WDFY3: variants seen among roughly 807,000 people sequenced by gnomAD.
WDFY3 encodes WD repeat and FYVE domain containing 3, also known as WD repeat and FYVE domain-containing protein 3.
In WDFY3, 66 loss-of-function variants were observed where a neutral mutation model predicts 409.6. The observed-to-expected ratio is 0.16, with a 90% CI of 0.13 to 0.20. WDFY3 has a LOEUF of 0.20. Ranked by LOEUF, WDFY3 falls within the 10% of genes least tolerant of loss-of-function variation. WDFY3 has a pLI of 1.00. For synonymous variants in WDFY3, 1,521 were observed against 1,537.1 expected, an observed-to-expected ratio of 0.99 and a Z score of 0.25; for missense variants, 3,031 against 4,298.1, an observed-to-expected ratio of 0.71 and a Z score of 8.24.
intron 18 of WDFY3, 87 bp from the exon 19 acceptor site, chr4:84,796,839 C>A (rs1560783412): frequency 5.5e-6 from 6 of 1,085,734 alleles, no homozygotes; most frequent in Non-Finnish European, 8.0e-6. Context: ...AATACCACTT[C>A]AGTTTCAATA....
intron 29 of WDFY3, among the ~76,000 whole-genome samples, chr4:84,773,697 A>G (rs569474129): frequency 1.3e-5 from 2 of 152,188 alleles, no homozygotes; most frequent in Admixed American, 1.3e-4. Context: ...TTCTTAAGCT[A>G]AAGTTTTAGA....
chr4:84,750,112 TATCCTATTATTTTCCA>T (rs1348793168), intron 36 of WDFY3, among the ~76,000 whole-genome samples: 2 of 152,304 alleles, frequency 1.3e-5, no homozygotes, highest in South Asian at 2.1e-4. Flanking sequence ...TTCTGGACTT[TATCCTATTATTTTCCA>T]ATAAACTATT....
intron 30 of WDFY3, among the ~76,000 whole-genome samples, chr4:84,768,600 T>C (rs1014080835): frequency 6.6e-6 from 1 of 152,180 alleles, no homozygotes; most frequent in Non-Finnish European, 1.5e-5. Flanking sequence ...AGCCCACTGT[T>C]CAGACCTACT....
intron 29 of WDFY3, among the ~76,000 whole-genome samples, chr4:84,774,298 T>C (rs770256574): frequency 2.0e-4 from 31 of 152,352 alleles, no homozygotes; most frequent in Non-Finnish European, 2.5e-4. Flanking sequence ...CATAAGAACA[T>C]TTCTACAGAC....
intron 2 of WDFY3, among the ~76,000 whole-genome samples, chr4:84,915,112 A>G (rs1475372208): frequency 6.6e-6 from 1 of 152,214 alleles, no homozygotes; most frequent in African/African-American, 2.4e-5. Flanking sequence ...AATATAAAAT[A>G]TCTAGAACAG....
At chr4:84,963,595 T>C (rs1775215736) in intron 1 of WDFY3, among the ~76,000 whole-genome samples, 1 of 152,210 alleles carries the variant, frequency 6.6e-6, no homozygotes, top group Non-Finnish European at 1.5e-5. Context: ...ATCATTAAGA[T>C]CTCTTCATAC....
At chr4:84,771,326 C>T (rs529952949) in intron 30 of WDFY3, among the ~76,000 whole-genome samples, 33 of 152,224 alleles carry the variant, frequency 2.2e-4, no homozygotes, top group African/African-American at 7.0e-4. Flanking sequence ...TTTGTAGAGA[C>T]GGAGCTTTGC....
chr4:84,686,255 G>A (rs1270672348), intron 62 of WDFY3, among the ~76,000 whole-genome samples: 5 of 151,970 alleles, frequency 3.3e-5, no homozygotes, highest in East Asian at 1.9e-4. Flanking sequence ...GCATTGAGCC[G>A]ACATAGCACC....
intron 61 of WDFY3, 145 bp downstream of exon 61, chr4:84,690,354 TCAAAAAA>T: frequency 8.9e-7 from 1 of 1,123,290 alleles, no homozygotes; most frequent in Admixed American, 2.9e-5. Flanking sequence ...CCTTTTTTTT[TCAAAAAA>T]GTATTTCTAG....
intron 26 of WDFY3, 49 bp from the exon 27 acceptor site, chr4:84,778,704 T>C (rs760260632): frequency 1.3e-6 from 2 of 1,568,128 alleles, no homozygotes; most frequent in South Asian, 2.4e-5. Context: ...TCATATATAT[T>C]CATTACACAC....
At chr4:84,704,259 T>C (rs1731555578) in intron 55 of WDFY3, 79 bp downstream of exon 55, 3 of 1,037,940 alleles carry the variant, frequency 2.9e-6, no homozygotes, top group South Asian at 1.9e-5. Flanking sequence ...TAATAGAAGA[T>C]AATGATGTTT....
At position 84,966,671 on chromosome 4, in the gene WDFY3, C is replaced by T. The variant is rs185834791; in HGVS notation, c.-688G>A. 1 of 156,270 alleles carries T rather than the reference C, an allele frequency of 6.4e-6. No homozygotes were observed. The highest frequency in any genetic ancestry group is 1.9e-4 in the East Asian group (1 of 5,192). 9.7% of individuals were successfully genotyped at this position (156,270 alleles called of 1,614,324 possible). ...AATCCTCCTCCTCCTCCTGCTTTCT[C>T]CACCTCCCGCTGGCTGTCTGACTGA... On this transcript the variant is annotated 5_prime_UTR_variant, in exon 1 of 68. Coordinates refer to ENST00000295888, the MANE Select transcript of WDFY3 (RefSeq NM_014991.6).
chr4:84,770,785 C>T (rs76369397), intron 30 of WDFY3, among the ~76,000 whole-genome samples: 5,607 of 152,264 alleles, frequency 0.037, 202 homozygotes, highest in Admixed American at 0.11. Flanking sequence ...AAGTAATAAT[C>T]TAGACAGAAA....
chr4:84,849,922 C>T lies in WDFY3; in HGVS notation c.284G>A (p.Arg95Lys). The T allele has an allele frequency of 1.9e-6, 3 of 1,611,724 alleles. No homozygotes were observed. The highest frequency in any genetic ancestry group is 2.5e-6 in the Non-Finnish European group (3 of 1,179,444). ...SRLMVTEIRR[R>K]ASNKSTEAAS... ...AATACCTGTGGATTTGTTTGATGCT[C>T]TCCTTCGAATTTCTGTCACCATTAG... The change falls in exon 5 of 68, where the codon AGA becomes AAA. Residue 95 changes from arginine (R) to lysine (K), a missense_variant. This residue lies in a region of WDFY3 where 1,322 missense variants were observed against 1,697.9 expected (regional missense o/e 0.78). Transcript: ENST00000295888.
intron 51 of WDFY3, among the ~76,000 whole-genome samples, chr4:84,712,282 A>G (rs2149010431): frequency 6.6e-6 from 1 of 150,948 alleles, no homozygotes; most frequent in Middle Eastern, 3.4e-3. Flanking sequence ...GAATCGCTTG[A>G]GCCCAGGAGG....
chr4:84,918,226 C>T (rs1768765586), intron 2 of WDFY3, among the ~76,000 whole-genome samples: 1 of 152,108 alleles, frequency 6.6e-6, no homozygotes, highest in Non-Finnish European at 1.5e-5. Flanking sequence ...GATACACCTC[C>T]AGCAGTATGA....
chr4:84,839,016 T>C (rs959568278), intron 6 of WDFY3, among the ~76,000 whole-genome samples: 7 of 152,162 alleles, frequency 4.6e-5, no homozygotes, highest in African/African-American at 1.7e-4. Flanking sequence ...AACATAACAC[T>C]GAATTTGCTT....
chr4:84,864,415 G>C (rs950551318), intron 3 of WDFY3, among the ~76,000 whole-genome samples: 1 of 146,170 alleles, frequency 6.8e-6, no homozygotes, highest in Non-Finnish European at 1.5e-5. Context: ...TGGAATTTTT[G>C]ATAAGGATTA....
At chr4:84,867,825 G>C (rs1320269714) in intron 3 of WDFY3, among the ~76,000 whole-genome samples, 1 of 152,098 alleles carries the variant, frequency 6.6e-6, no homozygotes, top group Middle Eastern at 3.2e-3. Context: ...TTCAATAAAT[G>C]TAATGTAAGC....
Sources: gnomAD v4.1 joint callset for allele counts (sites outside exome capture counted in the v4.1 genomes callset) on GRCh38, gnomAD v4.1.1 for gene constraint, gnomAD v4.1.1 regional missense constraint, MANE v1.5 for transcripts, NCBI Gene and HGNC (gene_info 2026-07-23, HGNC 2026-07-21) for gene names.